Variants in SFSWAP observed in about 807,000 individuals in gnomAD.
SFSWAP encodes splicing factor SWAP.
A neutral mutation model predicts 100.7 loss-of-function variants in SFSWAP; 17 were observed. The ratio of observed to expected loss-of-function variants is 0.17; its 90% CI spans 0.12 to 0.25. SFSWAP has a LOEUF of 0.25. Ranked by LOEUF, SFSWAP falls within the 10% of genes least tolerant of loss-of-function variation. The probability of loss-of-function intolerance (pLI) is 1.00; values close to 1 mark genes in which losing one functional copy is unlikely to be tolerated. For missense variants in SFSWAP, 1,005 were observed against 1,262.6 expected (o/e 0.80, Z 3.09); for synonymous variants, 504 against 510.1 (o/e 0.99, Z 0.16).
In SFSWAP at chr12:131,778,800, A is replaced by G. The variant is rs567653502; in HGVS notation, c.2408+470A>G. On this transcript the variant is annotated intron_variant, in intron 14 of 17. Coordinates refer to ENST00000261674, the MANE Select transcript of SFSWAP (RefSeq NM_004592.4). The surrounding 1 kb of genome is among the most constrained non-coding windows in gnomAD (Gnocchi z 4.2). The stretch of plus-strand genomic sequence containing the variant: ...CCCAGAGTGCTGGGATTACAGGCCT[A>G]AGCCACCGCGCAGGCCTATACTTAA... Among the ~76,000 whole-genome samples the G allele has an allele frequency of 1.6e-4, 25 of 152,158 alleles. No individual in the cohort carries two copies. The highest frequency in any genetic ancestry group is 1.0e-3 in the Admixed American group (16 of 15,294).
chr12:131,734,054 C>T lies in SFSWAP; in HGVS notation c.1081+5626C>T, dbSNP rs1008509323. Among the ~76,000 whole-genome samples the T allele has an allele frequency of 6.6e-6, 1 of 152,224 alleles. No homozygotes were observed. Among genetic ancestry groups the T allele is most frequent in the East Asian group, 1.9e-4 (1 of 5,196 alleles). ...TATTCTTCTGTCCTAGGTGAGTGCCCACCCTGTGGCACTGAGACCCAACAG... is the reference window on the plus strand; with the variant it reads ...TATTCTTCTGTCCTAGGTGAGTGCCTACCCTGTGGCACTGAGACCCAACAG... On this transcript the variant is annotated intron_variant, in intron 7 of 17. Coordinates refer to ENST00000261674, the MANE Select transcript of SFSWAP (RefSeq NM_004592.4). The surrounding 1 kb of genome is among the most constrained non-coding windows in gnomAD (Gnocchi z 4.9).
At chr12:131,781,428 G>A (rs576490117) in intron 14 of SFSWAP, among the ~76,000 whole-genome samples, 2 of 151,394 alleles carry the variant, frequency 1.3e-5, no homozygotes, top group African/African-American at 2.4e-5. Flanking sequence ...TAGTAGAGAC[G>A]GGGTTTCACC....
intron 13 of SFSWAP, among the ~76,000 whole-genome samples, chr12:131,777,488 G>T (rs1358542274): frequency 6.6e-6 from 1 of 152,146 alleles, no homozygotes; most frequent in Non-Finnish European, 1.5e-5. Flanking sequence ...ATTTTTTATG[G>T]CTGCATAGTA....
At chr12:131,795,519 C>T (rs1228186122) in intron 15 of SFSWAP, among the ~76,000 whole-genome samples, 1 of 152,180 alleles carries the variant, frequency 6.6e-6, no homozygotes, top group East Asian at 1.9e-4. Context: ...GAGGGCACAG[C>T]CCCTCGATGG....
intron 13 of SFSWAP, among the ~76,000 whole-genome samples, chr12:131,777,653 A>G (rs1420297790): frequency 6.6e-6 from 1 of 152,248 alleles, no homozygotes; most frequent in African/African-American, 2.4e-5. Flanking sequence ...CTTTGGGTAT[A>G]TACCCAGTAA....
intron 15 of SFSWAP, among the ~76,000 whole-genome samples, chr12:131,791,766 G>A (rs1042071744): frequency 2.0e-5 from 3 of 152,106 alleles, no homozygotes; most frequent in Admixed American, 6.5e-5. Flanking sequence ...AAGAAAGAAG[G>A]GATACTCTTT....
chr12:131,763,161 C>T (rs975690027), intron 11 of SFSWAP, among the ~76,000 whole-genome samples: 6 of 152,170 alleles, frequency 3.9e-5, no homozygotes, highest in Non-Finnish European at 1.5e-5. Flanking sequence ...TCACATCACA[C>T]GCGGGTTTGG....
chr12:131,739,500 T>G (rs1180336624), intron 7 of SFSWAP, among the ~76,000 whole-genome samples: 2 of 151,294 alleles, frequency 1.3e-5, no homozygotes, highest in African/African-American at 4.8e-5. Context: ...TATGAGAGTT[T>G]ATAAATAGTA....
intron 8 of SFSWAP, among the ~76,000 whole-genome samples, chr12:131,753,826 C>T (rs775204416): frequency 1.3e-5 from 2 of 152,154 alleles, no homozygotes; most frequent in Non-Finnish European, 2.9e-5. Flanking sequence ...GTGAAGCCAT[C>T]GGCAGAGCCC....
chr12:131,723,623 T>C (rs1878689255), intron 4 of SFSWAP, among the ~76,000 whole-genome samples: 1 of 152,206 alleles, frequency 6.6e-6, no homozygotes, highest in Admixed American at 6.5e-5. Flanking sequence ...CTGGGGTTCC[T>C]TGCTAATTTC....
In SFSWAP at chr12:131,711,582, C is replaced by T. The variant is rs1877350061; in HGVS notation, c.218+135C>T. 1.4e-6 allele frequency: 1 copy of T among 702,282 alleles called. No individual in the cohort carries two copies. Among genetic ancestry groups the T allele is most frequent in the Non-Finnish European group, 2.4e-6 (1 of 417,166 alleles). The allele number at this position is 702,282 out of a possible 1,614,324, so 43.5% of individuals were successfully genotyped here. The stretch of plus-strand genomic sequence containing the variant: ...ATCTGGGGGACACCCCCTCCCCTGT[C>T]CCCACCTCCTCCTGGTGTTCTGGTG... On this transcript the variant is annotated intron_variant, in intron 1 of 17. Transcript: ENST00000261674. The surrounding 1 kb of genome is among the most constrained non-coding windows in gnomAD (Gnocchi z 4.9).
At chr12:131,760,982 G>A (rs1882624664) in intron 11 of SFSWAP, among the ~76,000 whole-genome samples, 1 of 152,216 alleles carries the variant, frequency 6.6e-6, no homozygotes, top group South Asian at 2.1e-4. Flanking sequence ...TGAGGCAGGA[G>A]AATCGCTTGA....
Position 131,733,428 on chromosome 12 carries a change from C to T in SFSWAP, c.1081+5000C>T, listed in dbSNP as rs564246641. On this transcript the variant is annotated intron_variant, in intron 7 of 17. Coordinates refer to ENST00000261674, the MANE Select transcript of SFSWAP (RefSeq NM_004592.4). This position sits in a 1 kb window ranked among gnomAD's most constrained non-coding sequence, Gnocchi z 5.1. Reference sequence around the variant, plus strand: ...TTGTCATTTGTAGGAGGAAATTTCACGATCATAAAGCACGGCATGCATCCT... The same window carrying T: ...TTGTCATTTGTAGGAGGAAATTTCATGATCATAAAGCACGGCATGCATCCT... 6.6e-6 allele frequency among the ~76,000 whole-genome samples: 1 copy of T among 152,154 alleles called. No individual in the cohort carries two copies. The highest frequency in any genetic ancestry group is 1.5e-5 in the Non-Finnish European group (1 of 68,036).
rs374561323 is a variant in SFSWAP, at chr12:131,799,026, C to G, written c.2718-11C>G. 4.4e-6 allele frequency: 7 copies of G among 1,606,822 alleles called. No individual in the cohort carries two copies. The highest frequency in any genetic ancestry group is 1.1e-5 in the South Asian group (1 of 90,924). On this transcript the variant is annotated splice_polypyrimidine_tract_variant and intron_variant, in intron 16 of 17. Coordinates refer to ENST00000261674, the MANE Select transcript of SFSWAP (RefSeq NM_004592.4). Reference sequence around the variant, plus strand: ...CGGTTGTAAGCTCTGCTCTCTCTCTCTCTGCATTAGGGGAGTCTCTCAGGA... The same window carrying G: ...CGGTTGTAAGCTCTGCTCTCTCTCTGTCTGCATTAGGGGAGTCTCTCAGGA...
chr12:131,714,754 T>C lies in SFSWAP; in HGVS notation c.389-68T>C. 5.5e-6 allele frequency: 8 copies of C among 1,448,980 alleles called. No homozygotes were observed. Among genetic ancestry groups the C allele is most frequent in the South Asian group, 2.4e-5 (2 of 84,880 alleles). The allele number at this position is 1,448,980 out of a possible 1,614,324, so 89.8% of individuals were successfully genotyped here. On this transcript the variant is annotated intron_variant, in intron 2 of 17. Transcript: ENST00000261674. This position sits in a 1 kb window ranked among gnomAD's most constrained non-coding sequence, Gnocchi z 6.0. The stretch of plus-strand genomic sequence containing the variant: ...TATGCTTTACTGATAGCTACAACTT[T>C]AGAAATATATAAAGTTTTTCTCAGT...
Position 131,764,621 on chromosome 12 carries a change from C to T in SFSWAP, c.1886C>T (p.Pro629Leu). The stretch of plus-strand genomic sequence containing the variant: ...GCAAACACTAACCCAGCAGTTGCCC[C>T]ACCCTGTGTAGTTGTTGAGGAGAAG... Reference protein sequence around the residue: ...SAANTNPAVAPPCVVVEEKKP... With the variant: ...SAANTNPAVALPCVVVEEKKP... Residue 629 changes from proline to leucine, a missense_variant, in exon 12 of 18, where the codon CCA becomes CTA. Pro to Leu is a moderately conservative substitution (Grantham distance 98). Coordinates refer to ENST00000261674, the MANE Select transcript of SFSWAP (RefSeq NM_004592.4). The T allele has an allele frequency of 4.3e-6, 7 of 1,614,238 alleles. No homozygotes were observed. Among genetic ancestry groups the T allele is most frequent in the Non-Finnish European group, 5.9e-6 (7 of 1,180,046 alleles).
At chr12:131,785,285 G>GA (rs66665803) in intron 14 of SFSWAP, 1,241,812 of 1,441,124 alleles carry the variant, frequency 0.86, 539,852 homozygotes, top group African/African-American at 0.9. Flanking sequence ...AAAGGTCTGG[G>GA]AAAAAATCAA....
chr12:131,754,236 G>A (rs1355543233), intron 8 of SFSWAP, 132 bp from the exon 9 acceptor site: 2 of 511,496 alleles, frequency 3.9e-6, no homozygotes, highest in Non-Finnish European at 6.4e-6. Context: ...TTCAACAAGA[G>A]CCTCCCCTAA....
At chr12:131,736,491 C>T (rs544956457) in intron 7 of SFSWAP, among the ~76,000 whole-genome samples, 1 of 152,266 alleles carries the variant, frequency 6.6e-6, no homozygotes, top group South Asian at 2.1e-4. Context: ...GAAAAAAGAT[C>T]TGCAGTGCGA....
Sources: allele counts gnomAD v4.1 joint callset (sites outside exome capture counted in the v4.1 genomes callset), GRCh38; gene constraint gnomAD v4.1.1; non-coding constraint Gnocchi (gnomAD v3.1); transcripts MANE v1.5; gene names NCBI Gene and HGNC (gene_info 2026-07-23, HGNC 2026-07-21).